Variants in SAMMSON observed in about 807,000 individuals in gnomAD.
The protein encoded by SAMMSON is long intergenic non-protein coding RNA 1212.
chr3:70,008,633 T>C (rs960486381), intron 1 of SAMMSON, among the ~76,000 whole-genome samples: 6 of 152,128 alleles, frequency 3.9e-5, no homozygotes, highest in Non-Finnish European at 7.4e-5. Context: ...CCTTTATTTC[T>C]TTCTCCTTCC....
At chr3:70,120,220 C>T (rs928589312) in intron 4 of SAMMSON, 1 of 152,190 alleles carries the variant, frequency 6.6e-6, no homozygotes, top group Non-Finnish European at 1.5e-5. Flanking sequence ...ACCACATTTT[C>T]CCCACACTTG....
intron 3 of SAMMSON, among the ~76,000 whole-genome samples, chr3:70,023,258 C>G (rs1408781754): frequency 6.6e-6 from 1 of 151,828 alleles, no homozygotes; most frequent in Non-Finnish European, 1.5e-5. Context: ...AGATCGAGAC[C>G]ATCCTGGCTA....
At chr3:70,233,552 AT>A (rs1701581077) in intron 4 of SAMMSON, among the ~76,000 whole-genome samples, 1 of 152,198 alleles carries the variant, frequency 6.6e-6, no homozygotes, top group Non-Finnish European at 1.5e-5. Context: ...GACTTTTGAC[AT>A]ATGTGTGCAC....
In SAMMSON at chr3:70,290,827, G is replaced by A. The variant is rs111254561; in HGVS notation, n.675-352G>A. On this transcript the variant is annotated intron_variant and non_coding_transcript_variant, in intron 6 of 9. Coordinates refer to ENST00000642114, the Ensembl canonical transcript of SAMMSON. Reference sequence around the variant, plus strand: ...GGGTGGGAGTGACCCGATTTTCCAGGTGCGGTCCTCACCCCTTTCTTTGAC... The same window carrying A: ...GGGTGGGAGTGACCCGATTTTCCAGATGCGGTCCTCACCCCTTTCTTTGAC... Among the ~76,000 whole-genome samples, 24 of 152,268 alleles carry A rather than the reference G, an allele frequency of 1.6e-4. 1 individual carries two copies. Among genetic ancestry groups the A allele is most frequent in the African/African-American group, 5.3e-4 (22 of 41,566 alleles).
chr3:70,245,693 A>G (rs1371905655), intron 4 of SAMMSON, among the ~76,000 whole-genome samples: 3 of 137,016 alleles, frequency 2.2e-5, no homozygotes, highest in African/African-American at 7.8e-5. Context: ...ATATATATAT[A>G]TATATATATA....
chr3:70,308,391 C>T (rs542080851), intron 7 of SAMMSON, among the ~76,000 whole-genome samples: 5 of 152,076 alleles, frequency 3.3e-5, no homozygotes, highest in African/African-American at 7.2e-5. Flanking sequence ...CTTGTTTATC[C>T]GATTATCTTA....
intron 9 of SAMMSON, among the ~76,000 whole-genome samples, chr3:70,387,575 T>A (rs1422893748): frequency 6.6e-6 from 1 of 152,118 alleles, no homozygotes; most frequent in Non-Finnish European, 1.5e-5. Flanking sequence ...ATTTTTGGAA[T>A]CGTTTTCATT....
intron 4 of SAMMSON, among the ~76,000 whole-genome samples, chr3:70,111,057 G>C (rs1344072166): frequency 6.6e-6 from 1 of 152,138 alleles, no homozygotes; most frequent in Non-Finnish European, 1.5e-5. Context: ...TATCAATAAA[G>C]GCATGTCTCT....
intron 2 of SAMMSON, among the ~76,000 whole-genome samples, chr3:70,434,477 C>T (rs531888654): frequency 1.3e-5 from 2 of 152,272 alleles, no homozygotes; most frequent in East Asian, 3.9e-4. Context: ...TTATTCCCTG[C>T]AAACTTGCTG....
At chr3:70,041,564 T>C (rs2067106396) in intron 3 of SAMMSON, among the ~76,000 whole-genome samples, 1 of 152,108 alleles carries the variant, frequency 6.6e-6, no homozygotes, top group African/African-American at 2.4e-5. Flanking sequence ...ATATATTATA[T>C]ATTAAGTACA....
intron 8 of SAMMSON, among the ~76,000 whole-genome samples, chr3:70,355,390 T>C (rs1049142090): frequency 4.0e-5 from 6 of 150,606 alleles, no homozygotes; most frequent in Non-Finnish European, 7.4e-5. Flanking sequence ...AAAGTAGGCA[T>C]AAGAAAAAAA....
chr3:70,304,222 G>A (rs750415545), intron 7 of SAMMSON, among the ~76,000 whole-genome samples: 31 of 152,068 alleles, frequency 2.0e-4, no homozygotes, highest in African/African-American at 6.0e-4. Context: ...AGCATGACAC[G>A]TTCTTTCCTG....
At chr3:70,201,589 A>T (rs1441861035) in intron 4 of SAMMSON, among the ~76,000 whole-genome samples, 1 of 152,174 alleles carries the variant, frequency 6.6e-6, no homozygotes, top group Non-Finnish European at 1.5e-5. Context: ...ACTGAGGCAA[A>T]GAGTGTTTAA....
intron 6 of SAMMSON, among the ~76,000 whole-genome samples, chr3:70,269,800 A>G (rs1298295626): frequency 6.6e-6 from 1 of 152,214 alleles, no homozygotes; most frequent in East Asian, 1.9e-4. Flanking sequence ...CAAAGAAGAA[A>G]TTTAAACGAA....
intron 2 of SAMMSON, among the ~76,000 whole-genome samples, chr3:70,415,504 T>G (rs1259878126): frequency 6.6e-6 from 1 of 152,178 alleles, no homozygotes; most frequent in Non-Finnish European, 1.5e-5. Context: ...CTCCTTTTTT[T>G]GTTGCTGCTA....
chr3:70,062,661 A>T (rs937702542), intron 3 of SAMMSON, among the ~76,000 whole-genome samples: 1 of 151,890 alleles, frequency 6.6e-6, no homozygotes, highest in Admixed American at 6.6e-5. Flanking sequence ...TCCTCCCTCT[A>T]ATGTCTCCTC....
chr3:70,307,150 C>G (rs1702409667), intron 7 of SAMMSON, among the ~76,000 whole-genome samples: 1 of 151,952 alleles, frequency 6.6e-6, no homozygotes, highest in Non-Finnish European at 1.5e-5. Context: ...TGAAATAGAC[C>G]CCAGAGCCTG....
chr3:70,412,613 C>T (rs1701229236), intron 2 of SAMMSON, among the ~76,000 whole-genome samples: 2 of 152,170 alleles, frequency 1.3e-5, no homozygotes, highest in South Asian at 2.1e-4. Context: ...ATCAACAGCA[C>T]ATTCATGGTA....
chr3:70,079,315 G>C (rs572509007), intron 4 of SAMMSON, among the ~76,000 whole-genome samples: 101 of 152,266 alleles, frequency 6.6e-4, no homozygotes, highest in African/African-American at 2.4e-3. Flanking sequence ...CCTGAAATCA[G>C]CCATGGTGGG....
Sources: allele counts gnomAD v4.1 joint callset (sites outside exome capture counted in the v4.1 genomes callset), GRCh38; gene constraint gnomAD v4.1.1; transcripts MANE v1.5; gene names NCBI Gene and HGNC (gene_info 2026-07-23, HGNC 2026-07-21).